UGGT1: variants seen among roughly 807,000 people sequenced by gnomAD.
The protein encoded by UGGT1 is UDP-glucose glycoprotein glucosyltransferase 1.
A neutral mutation model predicts 203.9 loss-of-function variants in UGGT1; 107 were observed. That is an observed-to-expected ratio of 0.52 (90% confidence interval 0.45 to 0.62). The LOEUF is 0.62. Among genes scored for constraint, UGGT1 ranks in the 20% least tolerant of loss-of-function variants. UGGT1 has a pLI of 0.00. For missense variants in UGGT1, 1,673 were observed against 1,867.2 expected, an observed-to-expected ratio of 0.90 and a Z score of 1.92; for synonymous variants, 628 against 653.5, an observed-to-expected ratio of 0.96 and a Z score of 0.59.
chr2:128,156,381 C>T lies in UGGT1; in HGVS notation c.2237-11C>T, dbSNP rs1313997733. 2 of 1,587,438 alleles carry T rather than the reference C, an allele frequency of 1.3e-6. No individual in the cohort carries two copies. Among genetic ancestry groups the T allele is most frequent in the Non-Finnish European group, 1.7e-6 (2 of 1,157,588 alleles). The stretch of plus-strand genomic sequence containing the variant: ...CTTTTTTTCTACTCTTTTCTCTTTA[C>T]CTTTGTTCAGGAATGTCCTCCAAGG... On this transcript the variant is annotated splice_polypyrimidine_tract_variant and intron_variant, in intron 20 of 40. Coordinates refer to ENST00000259253, the MANE Select transcript of UGGT1 (RefSeq NM_020120.4).
chr2:128,105,385 C>G (rs1371958012), intron 3 of UGGT1, among the ~76,000 whole-genome samples: 2 of 151,342 alleles, frequency 1.3e-5, no homozygotes, highest in Non-Finnish European at 2.9e-5. Flanking sequence ...GCTGTGTTGC[C>G]CAGGCTGGTC....
chr2:128,170,496 T>A, intron 27 of UGGT1, 106 bp downstream of exon 27: 1 of 874,728 alleles, frequency 1.1e-6, no homozygotes, highest in Non-Finnish European at 1.9e-6. Context: ...CAACAGGCAC[T>A]GGACAATGCT....
intron 39 of UGGT1, 118 bp downstream of exon 39, chr2:128,186,917 T>C (rs1174677651): frequency 1.0e-5 from 8 of 762,870 alleles, no homozygotes; most frequent in Non-Finnish European, 1.3e-5. Flanking sequence ...TTATTTAGAC[T>C]TTCTCTGTAA....
At chr2:128,111,738 G>A (rs921632934) in intron 5 of UGGT1, among the ~76,000 whole-genome samples, 14 of 151,730 alleles carry the variant, frequency 9.2e-5, no homozygotes, top group African/African-American at 2.9e-4. Flanking sequence ...CTCGTGATCC[G>A]CCCGCCTCGG....
At chr2:128,180,759 G>A (rs1691654400) in intron 35 of UGGT1, 131 bp from the exon 36 acceptor site, 7 of 896,444 alleles carry the variant, frequency 7.8e-6, no homozygotes, top group African/African-American at 1.7e-5. Flanking sequence ...GGTCACGGCC[G>A]GTCTTTGTAA....
chr2:128,138,404 A>G (rs1689244980), intron 15 of UGGT1, among the ~76,000 whole-genome samples: 1 of 152,054 alleles, frequency 6.6e-6, no homozygotes, highest in Non-Finnish European at 1.5e-5. Context: ...AATCGCAGCT[A>G]CTTGGGAGGC....
At position 128,164,819 on chromosome 2, in the gene UGGT1, GAC is replaced by G. The variant is rs1411755218; in HGVS notation, c.2919_2920del (p.His973GlnfsTer15). On this transcript the variant is annotated frameshift_variant, in exon 26 of 41. Coordinates refer to ENST00000259253, the MANE Select transcript of UGGT1 (RefSeq NM_020120.4). LOFTEE classifies it high-confidence loss of function. ...ATCGAGTACCAGTTTTTTGAAGACA[GAC>G]ACAGGTATAGAATTAATGTTGAATT... is the stretch of plus-strand genomic sequence containing the variant. The G allele has an allele frequency of 6.2e-7, 1 of 1,604,922 alleles. No individual in the cohort carries two copies. The highest frequency in any genetic ancestry group is 1.7e-5 in the Admixed American group (1 of 57,710).
chr2:128,097,398 A>T, intron 1 of UGGT1, 31 bp from the exon 2 acceptor site: 2 of 1,582,324 alleles, frequency 1.3e-6, no homozygotes, highest in South Asian at 1.2e-5. Flanking sequence ...ATTTCCTTGT[A>T]GCAAAACTTC....
At chr2:128,125,876 A>G (rs1319062183) in intron 11 of UGGT1, among the ~76,000 whole-genome samples, 1 of 151,586 alleles carries the variant, frequency 6.6e-6, no homozygotes, top group Non-Finnish European at 1.5e-5. Flanking sequence ...AAATTATACT[A>G]TATTGCTGTT....
intron 36 of UGGT1, among the ~76,000 whole-genome samples, chr2:128,181,416 A>G (rs1691682142): frequency 6.6e-6 from 1 of 152,234 alleles, no homozygotes; most frequent in Non-Finnish European, 1.5e-5. Context: ...AGTTATTGTC[A>G]TGGGTAATAG....
In UGGT1 at chr2:128,155,472, T is replaced by G; in HGVS notation, c.2138-17T>G. 1 of 1,587,666 alleles carries G rather than the reference T, an allele frequency of 6.3e-7. No homozygotes were observed. Among genetic ancestry groups the G allele is most frequent in the Non-Finnish European group, 8.6e-7 (1 of 1,158,334 alleles). ...TGAACTGGAACTAATATATACGTAT[T>G]TCATTTTTTCTCCCAGATAACTTCT... On this transcript the variant is annotated splice_polypyrimidine_tract_variant and intron_variant, in intron 19 of 40. Coordinates refer to ENST00000259253, the MANE Select transcript of UGGT1 (RefSeq NM_020120.4).
chr2:128,102,124 C>A (rs993970141), intron 2 of UGGT1, among the ~76,000 whole-genome samples: 1 of 151,992 alleles, frequency 6.6e-6, no homozygotes, highest in Admixed American at 6.6e-5. Context: ...TCCCAGACAT[C>A]ATATAGTTTG....
chr2:128,151,335 C>T, intron 18 of UGGT1: 3 of 544,078 alleles, frequency 5.5e-6, no homozygotes, highest in Admixed American at 2.6e-5. Flanking sequence ...ATGGCGCCTG[C>T]CACGCCTTCC....
chr2:128,177,957 A>G, intron 33 of UGGT1, 37 bp downstream of exon 33: 1 of 1,536,904 alleles, frequency 6.5e-7, no homozygotes, highest in East Asian at 2.4e-5. Context: ...TTTTAAGGAA[A>G]AACTGAGATA....
intron 1 of UGGT1, chr2:128,091,657 A>G (rs1474350574): frequency 1.5e-6 from 2 of 1,305,694 alleles, no homozygotes; most frequent in African/African-American, 3.1e-5. Flanking sequence ...TTCTTTGAAG[A>G]GCTTTAGATC....
intron 18 of UGGT1, among the ~76,000 whole-genome samples, chr2:128,148,094 C>A (rs567541446): frequency 4.9e-4 from 75 of 152,062 alleles, no homozygotes; most frequent in Non-Finnish European, 6.2e-4. Flanking sequence ...CAGAGTTTCG[C>A]TCTATTGCCC....
rs190913057 is a variant in UGGT1, at chr2:128,182,007, C to T, written c.4084-123C>T. 46 of 854,324 alleles carry T rather than the reference C, an allele frequency of 5.4e-5. 1 individual carries two copies. The Admixed American group carries it at 1.1e-3, about 21-fold the overall frequency. 52.9% of individuals were successfully genotyped at this position (854,324 alleles called of 1,614,324 possible). A position where few individuals can be genotyped will look rare whatever the true frequency, so the allele number is the denominator to read the frequency against. On this transcript the variant is annotated intron_variant, in intron 36 of 40. Transcript: ENST00000259253. The stretch of plus-strand genomic sequence containing the variant: ...AATCAAAGTGCATCTGCCCCTAGTG[C>T]CTGTGCCACTAACCACGGAGCAGCC...
At chr2:128,173,554 A>G (rs1691223305) in intron 29 of UGGT1, among the ~76,000 whole-genome samples, 2 of 152,148 alleles carry the variant, frequency 1.3e-5, no homozygotes, top group South Asian at 4.1e-4. Flanking sequence ...ATTACCCCAA[A>G]AAGTTCTTTT....
At chr2:128,112,462 A>ATATATATATATATATATATG (rs1458231232) in intron 5 of UGGT1, among the ~76,000 whole-genome samples, 2,521 of 120,300 alleles carry the variant, frequency 0.021, 373 homozygotes, top group Admixed American at 0.042. Context: ...TGTTATATAT[A>ATATATATATATATATATATG]TATATATATA....
Sources: allele counts gnomAD v4.1 joint callset (sites outside exome capture counted in the v4.1 genomes callset), GRCh38; gene constraint gnomAD v4.1.1; transcripts MANE v1.5; gene names NCBI Gene and HGNC (gene_info 2026-07-23, HGNC 2026-07-21).